ERC2: variants seen among roughly 807,000 people sequenced by gnomAD.
ERC2 encodes the protein ERC protein 2.
In ERC2, 42 loss-of-function variants were observed where a neutral mutation model predicts 114.8. The observed-to-expected ratio is 0.37, with a 90% CI of 0.29 to 0.47. The LOEUF is 0.47. Ranked by LOEUF, ERC2 falls within the 20% of genes least tolerant of loss-of-function variation. The pLI is 0.99. For synonymous variants in ERC2, 454 were observed against 425.5 expected, an observed-to-expected ratio of 1.07 and a Z score of -0.82; for missense variants, 939 against 1,150.7, an observed-to-expected ratio of 0.82 and a Z score of 2.66.
chr3:56,158,927 T>C (rs951543942), intron 4 of ERC2, among the ~76,000 whole-genome samples: 1 of 152,244 alleles, frequency 6.6e-6, no homozygotes, highest in East Asian at 1.9e-4. Context: ...CCAAATCTCA[T>C]GTTCAATTGT....
At chr3:56,082,592 C>T (rs2077296847) in intron 6 of ERC2, among the ~76,000 whole-genome samples, 1 of 152,132 alleles carries the variant, frequency 6.6e-6, no homozygotes, top group Non-Finnish European at 1.5e-5. Context: ...CAGGAACTAA[C>T]TCTTCAAGGA....
chr3:56,193,412 G>A (rs1560344888), intron 3 of ERC2, among the ~76,000 whole-genome samples: 1 of 151,908 alleles, frequency 6.6e-6, no homozygotes, highest in Non-Finnish European at 1.5e-5. Context: ...GGAGACTGAG[G>A]CAAGAGAATC....
At chr3:56,366,411 T>C (rs1415015056) in intron 2 of ERC2, among the ~76,000 whole-genome samples, 1 of 152,180 alleles carries the variant, frequency 6.6e-6, no homozygotes, top group Admixed American at 6.5e-5. Context: ...AAAGATACAA[T>C]CTACACTGCC....
chr3:56,301,947 T>C (rs2055905227), intron 2 of ERC2, among the ~76,000 whole-genome samples: 1 of 152,074 alleles, frequency 6.6e-6, no homozygotes. Context: ...CTCTAGAAAG[T>C]ACCACATGCA....
rs1553925676 is a variant in ERC2 at position 56,341,238 on chromosome 3, GGCTATTCTAAGGT to G, written c.658-44816_658-44804del. Among the ~76,000 whole-genome samples the G allele has an allele frequency of 5.6e-4, 85 of 152,232 alleles. No individual in the cohort carries two copies. The Middle Eastern group carries it at 0.014, about 24-fold the overall frequency. On this transcript the variant is annotated intron_variant, in intron 2 of 17. Coordinates refer to ENST00000288221, the MANE Select transcript of ERC2 (RefSeq NM_015576.3). ...CCTCCACCTTCCTCCATCTTACAAAGGCTATTCTAAGGTGAACTGGTTGGGGCTGGAGTAGAGC... is the reference window on the plus strand; with the variant it reads ...CCTCCACCTTCCTCCATCTTACAAAGGAACTGGTTGGGGCTGGAGTAGAGC...
chr3:55,927,445 T>C (rs1284711037), intron 13 of ERC2, among the ~76,000 whole-genome samples: 1 of 152,184 alleles, frequency 6.6e-6, no homozygotes, highest in Non-Finnish European at 1.5e-5. Context: ...TTGTACTTTT[T>C]ACATTTTTAT....
chr3:55,598,288 G>T (rs968423390), intron 17 of ERC2, among the ~76,000 whole-genome samples: 1 of 152,164 alleles, frequency 6.6e-6, no homozygotes, highest in Non-Finnish European at 1.5e-5. Flanking sequence ...GAAAATAATA[G>T]TTCATTGACT....
chr3:56,458,606 C>G (rs1289560888), intron 1 of ERC2, among the ~76,000 whole-genome samples: 1 of 152,126 alleles, frequency 6.6e-6, no homozygotes, highest in African/African-American at 2.4e-5. Context: ...TTGTATCCAC[C>G]CAGCATCAAA....
intron 3 of ERC2, among the ~76,000 whole-genome samples, chr3:56,265,341 GAC>G (rs1272059389): frequency 6.6e-6 from 1 of 152,126 alleles, no homozygotes; most frequent in African/African-American, 2.4e-5. Context: ...GCACCAAGAA[GAC>G]ACAATGAGGA....
intron 17 of ERC2, among the ~76,000 whole-genome samples, chr3:55,514,382 T>C (rs538137888): frequency 1.3e-5 from 2 of 152,052 alleles, no homozygotes; most frequent in African/African-American, 4.8e-5. Context: ...TCCAGTAAGC[T>C]GGGATTGTGC....
chr3:56,081,667 A>G (rs2077239929), intron 6 of ERC2, among the ~76,000 whole-genome samples: 1 of 152,150 alleles, frequency 6.6e-6, no homozygotes, highest in Non-Finnish European at 1.5e-5. Context: ...GTTGTTAATA[A>G]AAAAGAAAAT....
At chr3:55,907,981 T>C (rs987733769) in intron 13 of ERC2, among the ~76,000 whole-genome samples, 3 of 152,034 alleles carry the variant, frequency 2.0e-5, no homozygotes, top group Non-Finnish European at 4.4e-5. Flanking sequence ...GAGGGGACGA[T>C]ACATTGGGAA....
At chr3:55,936,591 TGAA>T (rs2066460475) in intron 13 of ERC2, among the ~76,000 whole-genome samples, 1 of 152,026 alleles carries the variant, frequency 6.6e-6, no homozygotes, top group Non-Finnish European at 1.5e-5. Context: ...CTACATGAAA[TGAA>T]GAAGTAACTC....
At chr3:56,409,237 T>C (rs1036901565) in intron 2 of ERC2, among the ~76,000 whole-genome samples, 1 of 152,204 alleles carries the variant, frequency 6.6e-6, no homozygotes, top group African/African-American at 2.4e-5. Flanking sequence ...CACCAAATTG[T>C]ATGCATTAAT....
At chr3:55,832,058 C>T (rs989613080) in intron 14 of ERC2, among the ~76,000 whole-genome samples, 6 of 152,238 alleles carry the variant, frequency 3.9e-5, no homozygotes, top group Non-Finnish European at 5.9e-5. Context: ...GGGGGAGGGG[C>T]GCCCGCCATT....
At chr3:56,142,630 C>G (rs1185014522) in intron 5 of ERC2, among the ~76,000 whole-genome samples, 2 of 151,976 alleles carry the variant, frequency 1.3e-5, no homozygotes, top group African/African-American at 2.4e-5. Flanking sequence ...CTTATAGTCT[C>G]TTGTTCTTTA....
At chr3:56,375,900 A>T (rs111226337) in intron 2 of ERC2, among the ~76,000 whole-genome samples, 5,245 of 152,262 alleles carry the variant, frequency 0.034, 109 homozygotes, top group South Asian at 0.071. Flanking sequence ...TTGCACTGTA[A>T]ACTGCCCTAT....
At chr3:55,913,211 T>G (rs1445384101) in intron 13 of ERC2, among the ~76,000 whole-genome samples, 2 of 152,164 alleles carry the variant, frequency 1.3e-5, no homozygotes, top group Non-Finnish European at 2.9e-5. Context: ...TCCTTTTAGC[T>G]CGACAAAATA....
intron 2 of ERC2, among the ~76,000 whole-genome samples, chr3:56,298,446 G>T (rs1229378223): frequency 6.6e-6 from 1 of 151,704 alleles, no homozygotes; most frequent in African/African-American, 2.4e-5. Context: ...ATTCATATTA[G>T]TCAAAAAGTG....
Sources: gnomAD v4.1 joint callset for allele counts (sites outside exome capture counted in the v4.1 genomes callset) on GRCh38, gnomAD v4.1.1 for gene constraint, MANE v1.5 for transcripts, NCBI Gene and HGNC (gene_info 2026-07-23, HGNC 2026-07-21) for gene names.